GRIK1: variants seen among roughly 807,000 people sequenced by gnomAD.
GRIK1 encodes the protein glutamate receptor ionotropic, kainate 1.
Under a neutral mutation model 105.7 loss-of-function variants are expected in GRIK1, and 69 were observed. The observed-to-expected ratio is 0.65, with a 90% CI of 0.54 to 0.80. The LOEUF (loss-of-function observed/expected upper bound fraction) is 0.80. GRIK1 is among the 30% of genes least tolerant of loss of function. The probability of loss-of-function intolerance (pLI) is 0.00; values close to 1 mark genes in which losing one functional copy is unlikely to be tolerated. For synonymous variants in GRIK1, 438 were observed against 431.3 expected (o/e 1.02, Z -0.19); for missense variants, 1,109 against 1,167.3 (o/e 0.95, Z 0.73).
chr21:29,561,642 C>T lies in GRIK1; in HGVS notation c.2338G>A (p.Gly780Arg), dbSNP rs1389738147. ...IGGLIDSKGYGVGTPIGSPYR... is the reference protein window; with the variant it reads ...IGGLIDSKGYRVGTPIGSPYR... ...GTCTTACCAATAGGTGTTCCCACTCCGTAACCTTTGGAGTCAATGAGGCCC... is the reference window on the plus strand; with the variant it reads ...GTCTTACCAATAGGTGTTCCCACTCTGTAACCTTTGGAGTCAATGAGGCCC... Residue 780 changes from glycine (G) to arginine (R), a missense_variant, in exon 15 of 18, where the codon GGA becomes AGA. Around this residue, in one of 5 missense-constraint regions of GRIK1, gnomAD observed 264 missense variants for 306.9 expected, o/e 0.86. Transcript: ENST00000327783. The T allele has an allele frequency of 7.4e-6, 12 of 1,611,140 alleles. No homozygotes were observed. Among genetic ancestry groups the T allele is most frequent in the South Asian group, 1.1e-5 (1 of 91,012 alleles).
intron 1 of GRIK1, among the ~76,000 whole-genome samples, chr21:29,913,058 A>G (rs2070873892): frequency 6.6e-6 from 1 of 152,112 alleles, no homozygotes; most frequent in Admixed American, 6.6e-5. Context: ...TGCCAGAAAG[A>G]CACCATATAT....
At chr21:29,706,856 A>G (rs1453430630) in intron 1 of GRIK1, among the ~76,000 whole-genome samples, 4 of 152,188 alleles carry the variant, frequency 2.6e-5, no homozygotes, top group Admixed American at 6.5e-5. Context: ...AACTCCCACA[A>G]TGGATATTCA....
chr21:29,682,658 AG>A (rs1182747329), intron 3 of GRIK1, among the ~76,000 whole-genome samples: 4 of 152,220 alleles, frequency 2.6e-5, no homozygotes, highest in Admixed American at 6.5e-5. Flanking sequence ...TTTAAGTGTA[AG>A]ACCTCAAACT....
chr21:29,629,638 C>T (rs1171105146), intron 7 of GRIK1, among the ~76,000 whole-genome samples: 1 of 151,900 alleles, frequency 6.6e-6, no homozygotes, highest in Non-Finnish European at 1.5e-5. Flanking sequence ...TAGAGGCGCC[C>T]GCCACCACGC....
chr21:29,691,594 G>A (rs2063585954), intron 2 of GRIK1, among the ~76,000 whole-genome samples: 2 of 152,058 alleles, frequency 1.3e-5, no homozygotes, highest in Admixed American at 1.3e-4. Context: ...TATGTTGGTA[G>A]GAATTAAATA....
At chr21:29,563,920 T>C (rs1469382264) in intron 14 of GRIK1, among the ~76,000 whole-genome samples, 3 of 152,192 alleles carry the variant, frequency 2.0e-5, no homozygotes, top group African/African-American at 7.2e-5. Context: ...TTCAATGCTC[T>C]TTCCACTGTA....
At chr21:29,920,084 T>C (rs1425910351) in intron 1 of GRIK1, among the ~76,000 whole-genome samples, 1 of 152,136 alleles carries the variant, frequency 6.6e-6, no homozygotes, top group Non-Finnish European at 1.5e-5. Context: ...ATATTTTGAA[T>C]GTTTTTTTCC....
chr21:29,552,932 G>A (rs1274707935), intron 16 of GRIK1, among the ~76,000 whole-genome samples: 1 of 151,978 alleles, frequency 6.6e-6, no homozygotes, highest in African/African-American at 2.4e-5. Context: ...GACACCAGAG[G>A]TTTCAAGTTT....
chr21:29,592,718 T>C (rs573089372), intron 9 of GRIK1, among the ~76,000 whole-genome samples: 6 of 152,334 alleles, frequency 3.9e-5, no homozygotes, highest in Admixed American at 6.5e-5. Flanking sequence ...TTGGTGCATG[T>C]TGTTAAGACC....
intron 5 of GRIK1, among the ~76,000 whole-genome samples, chr21:29,654,009 G>A (rs896456564): frequency 6.6e-6 from 1 of 152,136 alleles, no homozygotes; most frequent in Non-Finnish European, 1.5e-5. Flanking sequence ...AGCTGAATTT[G>A]CTAAAATGGC....
chr21:29,651,522 T>G (rs1485637651), intron 5 of GRIK1, among the ~76,000 whole-genome samples: 1 of 152,094 alleles, frequency 6.6e-6, no homozygotes, highest in African/African-American at 2.4e-5. Context: ...CTGAGTAGCA[T>G]GAGGAAATCT....
intron 2 of GRIK1, 139 bp from the exon 3 acceptor site, chr21:29,690,124 G>C (rs185429155): frequency 8.7e-6 from 6 of 692,732 alleles, no homozygotes; most frequent in South Asian, 1.9e-5. Context: ...TACAATCCCT[G>C]TCTGCATATT....
intron 1 of GRIK1, among the ~76,000 whole-genome samples, chr21:29,792,112 T>C (rs1465225904): frequency 6.6e-6 from 1 of 152,138 alleles, no homozygotes; most frequent in Non-Finnish European, 1.5e-5. Context: ...TGTGTGTATA[T>C]AGTATATATT....
chr21:29,855,792 G>GA (rs1432326537), intron 1 of GRIK1, among the ~76,000 whole-genome samples: 2 of 152,158 alleles, frequency 1.3e-5, no homozygotes, highest in Non-Finnish European at 2.9e-5. Flanking sequence ...TGGTGAAGGT[G>GA]AAAAAATTAA....
chr21:29,576,425 A>G (rs16984381), intron 14 of GRIK1, among the ~76,000 whole-genome samples: 8,004 of 152,232 alleles, frequency 0.053, 258 homozygotes, highest in Admixed American at 0.12. Flanking sequence ...TCCTTCATCA[A>G]TGCGGACTCA....
chr21:29,730,265 A>T (rs1375905870), intron 1 of GRIK1, among the ~76,000 whole-genome samples: 1 of 152,190 alleles, frequency 6.6e-6, no homozygotes, highest in African/African-American at 2.4e-5. Flanking sequence ...TTTTTAAATA[A>T]TACCACCACT....
At chr21:29,543,474 G>C (rs565781701) in intron 16 of GRIK1, among the ~76,000 whole-genome samples, 1 of 152,222 alleles carries the variant, frequency 6.6e-6, no homozygotes, top group Admixed American at 6.5e-5. Flanking sequence ...AGTTTTATGT[G>C]TACTACCCTT....
At chr21:29,620,633 C>A (rs1403105951) in intron 7 of GRIK1, among the ~76,000 whole-genome samples, 4 of 150,350 alleles carry the variant, frequency 2.7e-5, no homozygotes, top group Admixed American at 1.3e-4. Context: ...GGCTGAGATA[C>A]CAGCAATTTG....
chr21:29,560,346 T>G (rs1175271120), intron 15 of GRIK1, among the ~76,000 whole-genome samples: 1 of 110,002 alleles, frequency 9.1e-6, no homozygotes, highest in South Asian at 2.8e-4. Flanking sequence ...TTTCTTTCTT[T>G]CTTTCTTTCT....
Sources: allele counts gnomAD v4.1 joint callset (sites outside exome capture counted in the v4.1 genomes callset), GRCh38; gene constraint gnomAD v4.1.1; regional missense constraint gnomAD v4.1.1; transcripts MANE v1.5; gene names NCBI Gene and HGNC (gene_info 2026-07-23, HGNC 2026-07-21).